The following RORC variants were observed in gnomAD, a reference collection of about 807,000 sequenced individuals.
RORC encodes the protein RAR related orphan receptor C, also known as nuclear receptor ROR-gamma.
A neutral mutation model predicts 64.5 loss-of-function variants in RORC; 13 were observed. The ratio of observed to expected loss-of-function variants is 0.20; its 90% CI spans 0.13 to 0.32. The LOEUF (loss-of-function observed/expected upper bound fraction) is 0.32, where lower values mean the gene tolerates loss of function less well. Ranked by LOEUF, RORC falls within the 10% of genes least tolerant of loss-of-function variation. RORC has a pLI of 1.00. For missense variants in RORC, 468 were observed against 669.5 expected (o/e 0.70, Z 3.32); for synonymous variants, 277 against 259.3 (o/e 1.07, Z -0.65).
In RORC at chr1:151,807,111, T is replaced by G; in HGVS notation, c.*361A>C. On this transcript the variant is annotated 3_prime_UTR_variant, in exon 11 of 11. Transcript: ENST00000318247. The surrounding 1 kb of genome is among the most constrained non-coding windows in gnomAD (Gnocchi z 5.0). ...CTTCTGAGCTTCTGAATGAATTGCA[T>G]TCTATTCATCCAGGGAGCCCTGGAT... 1 of 197,924 alleles carries G rather than the reference T, an allele frequency of 5.1e-6. No individual in the cohort carries two copies. The highest frequency in any genetic ancestry group is 1.2e-4 in the East Asian group (1 of 8,314). 12.3% of individuals were successfully genotyped at this position (197,924 alleles called of 1,614,324 possible). A position where few individuals can be genotyped will look rare whatever the true frequency, so the allele number is the denominator to read the frequency against.
At chr1:151,828,958 G>A (rs1299357275) in intron 2 of RORC, among the ~76,000 whole-genome samples, 6 of 145,554 alleles carry the variant, frequency 4.1e-5, no homozygotes, top group South Asian at 2.3e-4. Flanking sequence ...CCGCCCAGGC[G>A]ACAGTGTGAG....
intron 2 of RORC, among the ~76,000 whole-genome samples, chr1:151,819,077 G>A (rs553509310): frequency 2.5e-4 from 38 of 152,288 alleles, no homozygotes; most frequent in African/African-American, 7.5e-4. Context: ...TGCTCACACT[G>A]TAAGCTGTGG....
chr1:151,809,925 T>C (rs947155062), intron 10 of RORC, among the ~76,000 whole-genome samples: 2 of 152,132 alleles, frequency 1.3e-5, no homozygotes, highest in Admixed American at 1.3e-4. Flanking sequence ...GAAATAAAGC[T>C]TTAACGCTTA....
At chr1:151,810,517 T>C (rs745696121) in intron 10 of RORC, among the ~76,000 whole-genome samples, 8 of 150,346 alleles carry the variant, frequency 5.3e-5, no homozygotes, top group South Asian at 4.2e-4. Flanking sequence ...TGAAGTCTCC[T>C]GATAGCTACA....
chr1:151,820,086 G>A (rs774531320), intron 2 of RORC, among the ~76,000 whole-genome samples: 2 of 152,106 alleles, frequency 1.3e-5, no homozygotes, highest in Non-Finnish European at 2.9e-5. Context: ...CCTGGCCTTT[G>A]CCCAACCCAT....
intron 2 of RORC, among the ~76,000 whole-genome samples, chr1:151,818,272 T>C (rs1440703775): frequency 1.3e-5 from 2 of 152,316 alleles, no homozygotes; most frequent in East Asian, 1.9e-4. Context: ...TGGGTGTGCA[T>C]ATGCAAGAAA....
intron 1 of RORC, 120 bp downstream of exon 1, chr1:151,831,605 C>T (rs537118180): frequency 3.5e-5 from 56 of 1,594,330 alleles, no homozygotes; most frequent in South Asian, 3.3e-4. Flanking sequence ...AGGGCTTTCT[C>T]CTCTGCACTC....
In RORC at chr1:151,807,625, G is replaced by C. The variant is rs1040649839; in HGVS notation, c.1404C>G (p.Pro468=). The change falls in exon 11 of 11, where the codon CCC becomes CCG. Residue 468 remains proline (P), a synonymous_variant. Transcript: ENST00000318247. This position sits in a 1 kb window ranked among gnomAD's most constrained non-coding sequence, Gnocchi z 5.0. ...HRQSILAKLP[P]KGKLRSLCSQ... ...TACACAGGCTCCGAAGCTTCCCCTT[G>C]GGTGGCAGCTGGATATGGGTTAATG... is the stretch of plus-strand genomic sequence containing the variant. The C allele has an allele frequency of 2.5e-6, 4 of 1,614,014 alleles. No individual in the cohort carries two copies. The highest frequency in any genetic ancestry group is 3.4e-6 in the Non-Finnish European group (4 of 1,180,010).
At chr1:151,829,391 T>C in intron 2 of RORC, 38 bp downstream of exon 2, 1 of 1,533,324 alleles carries the variant, frequency 6.5e-7, no homozygotes, top group Non-Finnish European at 8.7e-7. Context: ...CATCTCATTA[T>C]GCCCCAGCCA....
intron 2 of RORC, among the ~76,000 whole-genome samples, chr1:151,823,943 G>A (rs1271949139): frequency 6.6e-6 from 1 of 152,182 alleles, no homozygotes; most frequent in Admixed American, 6.5e-5. Flanking sequence ...ACCTCCATGC[G>A]TTTGGCTCTA....
intron 8 of RORC, 55 bp downstream of exon 8, chr1:151,813,184 G>A (rs1651606715): frequency 1.3e-6 from 2 of 1,554,542 alleles, no homozygotes; most frequent in East Asian, 4.5e-5. Flanking sequence ...GGGTCACAAA[G>A]CTTTGCCTGG....
intron 2 of RORC, among the ~76,000 whole-genome samples, chr1:151,822,007 C>T (rs1652009467): frequency 6.6e-6 from 1 of 152,126 alleles, no homozygotes; most frequent in Non-Finnish European, 1.5e-5. Context: ...CTCAGGAACA[C>T]CACAGCCCCT....
intron 2 of RORC, among the ~76,000 whole-genome samples, chr1:151,818,864 G>T (rs1321055840): frequency 6.6e-6 from 1 of 152,210 alleles, no homozygotes. Context: ...TGGGCAGGGA[G>T]ACCATGGCTT....
In RORC at chr1:151,814,709, A is replaced by G; in HGVS notation, c.812-14T>C. On this transcript the variant is annotated splice_polypyrimidine_tract_variant and intron_variant, in intron 5 of 10. Coordinates refer to ENST00000318247, the MANE Select transcript of RORC (RefSeq NM_005060.4). ...GCACCAGGTGCTCTGGGGCCGGAGA[A>G]GGAAGGCATGGCTTGATCTCAGCCA... 1 of 1,601,406 alleles carries G rather than the reference A, an allele frequency of 6.2e-7. No individual in the cohort carries two copies. Among genetic ancestry groups the G allele is most frequent in the Non-Finnish European group, 8.5e-7 (1 of 1,170,430 alleles).
chr1:151,821,468 A>T (rs1266671731), intron 2 of RORC, among the ~76,000 whole-genome samples: 2 of 152,236 alleles, frequency 1.3e-5, no homozygotes, highest in Admixed American at 1.3e-4. Context: ...AATGATAGAC[A>T]TAAGCATTGG....
intron 10 of RORC, among the ~76,000 whole-genome samples, chr1:151,808,841 C>T (rs183253086): frequency 7.8e-4 from 119 of 152,194 alleles, no homozygotes; most frequent in African/African-American, 2.6e-3. Flanking sequence ...AAACCTCTCC[C>T]GAATGAAGAG....
chr1:151,825,586 C>A (rs745925305), intron 2 of RORC, among the ~76,000 whole-genome samples: 11 of 152,134 alleles, frequency 7.2e-5, no homozygotes, highest in Non-Finnish European at 1.2e-4. Context: ...AATTACCAGC[C>A]CCCATCAGAT....
chr1:151,819,714 G>A (rs989036868), intron 2 of RORC, among the ~76,000 whole-genome samples: 2 of 152,132 alleles, frequency 1.3e-5, no homozygotes, highest in African/African-American at 4.8e-5. Flanking sequence ...CCTGCCCCAT[G>A]CTTGACCCAC....
chr1:151,811,551 C>T (rs1048044487), intron 9 of RORC, 117 bp from the exon 10 acceptor site: 7 of 588,026 alleles, frequency 1.2e-5, no homozygotes, highest in Admixed American at 5.8e-5. Flanking sequence ...AAGCTGAGCG[C>T]GTGCATGTGT....
Sources: gnomAD v4.1 joint callset for allele counts (sites outside exome capture counted in the v4.1 genomes callset) on GRCh38, gnomAD v4.1.1 for gene constraint, Gnocchi (gnomAD v3.1) non-coding constraint, MANE v1.5 for transcripts, NCBI Gene and HGNC (gene_info 2026-07-23, HGNC 2026-07-21) for gene names.